The following BMPR1B variants were observed in gnomAD, a reference collection of about 807,000 sequenced individuals.
BMPR1B encodes bone morphogenetic protein receptor type-1B.
A neutral mutation model predicts 59.1 loss-of-function variants in BMPR1B; 12 were observed. The ratio of observed to expected loss-of-function variants is 0.20; its 90% CI spans 0.13 to 0.33. BMPR1B has a LOEUF of 0.33. Among genes scored for constraint, BMPR1B ranks in the 10% least tolerant of loss-of-function variants. The pLI is 1.00. For missense variants in BMPR1B, 550 were observed against 610.9 expected (o/e 0.90, Z 1.05); for synonymous variants, 237 against 207.3 (o/e 1.14, Z -1.23).
intron 6 of BMPR1B, among the ~76,000 whole-genome samples, chr4:95,117,668 T>C (rs185025148): frequency 6.6e-5 from 10 of 152,158 alleles, no homozygotes; most frequent in Non-Finnish European, 1.3e-4. Flanking sequence ...CATCTGTAGT[T>C]GCAGCTACTA....
At chr4:94,839,970 C>T (rs1291073200) in intron 1 of BMPR1B, among the ~76,000 whole-genome samples, 5 of 150,966 alleles carry the variant, frequency 3.3e-5, no homozygotes, top group African/African-American at 1.2e-4. Context: ...TGACAAAAAT[C>T]TCTCAGCATT....
At chr4:94,882,742 C>T (rs1727023954) in intron 2 of BMPR1B, among the ~76,000 whole-genome samples, 1 of 152,130 alleles carries the variant, frequency 6.6e-6, no homozygotes. Context: ...TTCAGATCTC[C>T]TTCTGCACCA....
rs1732972221 is a variant in BMPR1B, at chr4:95,127,217, ACAAT to A, written c.585+2102_585+2105del. 2.0e-5 allele frequency among the ~76,000 whole-genome samples: 3 copies of A among 152,196 alleles called. No individual in the cohort carries two copies. In the South Asian group the frequency reaches 6.2e-4, roughly 31 times the overall value. On this transcript the variant is annotated intron_variant, in intron 8 of 12. Transcript: ENST00000515059. ...TGTATCTTACAGGCATTTTATTTAT[ACAAT>A]CAATCTAAAAAGTTGGTATCTAAGA... is the stretch of plus-strand genomic sequence containing the variant.
chr4:94,899,356 TTCAGGCCAC>T (rs35992455), intron 2 of BMPR1B, among the ~76,000 whole-genome samples: 33,310 of 151,492 alleles, frequency 0.22, 4,098 homozygotes, highest in African/African-American at 0.33. Context: ...ACTACAACTT[TTCAGGCCAC>T]TACAAAGATG....
chr4:94,964,517 A>G (rs1052832525), intron 2 of BMPR1B, among the ~76,000 whole-genome samples: 1 of 152,164 alleles, frequency 6.6e-6, no homozygotes. Context: ...ATAACTCAAC[A>G]ATGTTGATTA....
intron 8 of BMPR1B, among the ~76,000 whole-genome samples, chr4:95,128,143 C>G (rs1393941540): frequency 6.6e-6 from 1 of 152,126 alleles, no homozygotes; most frequent in African/African-American, 2.4e-5. Context: ...TCCACAGCCT[C>G]CCAAAGTGCT....
At chr4:95,108,337 T>A (rs1450152981) in intron 4 of BMPR1B, among the ~76,000 whole-genome samples, 1 of 152,128 alleles carries the variant, frequency 6.6e-6, no homozygotes, top group African/African-American at 2.4e-5. Flanking sequence ...TTCTAATGTG[T>A]ACCTTAGAAA....
At chr4:94,993,350 C>A (rs1213909730) in intron 2 of BMPR1B, among the ~76,000 whole-genome samples, 1 of 152,140 alleles carries the variant, frequency 6.6e-6, no homozygotes, top group Non-Finnish European at 1.5e-5. Flanking sequence ...CTTTCTCTTA[C>A]CTTACAAGAG....
chr4:94,840,049 G>A (rs1724993166), intron 1 of BMPR1B, among the ~76,000 whole-genome samples: 1 of 151,794 alleles, frequency 6.6e-6, no homozygotes, highest in Non-Finnish European at 1.5e-5. Context: ...ATGAAATTCT[G>A]TGTTGAACAT....
chr4:94,920,235 G>A (rs1728638413), intron 2 of BMPR1B, among the ~76,000 whole-genome samples: 1 of 151,988 alleles, frequency 6.6e-6, no homozygotes, highest in African/African-American at 2.4e-5. Context: ...CCATATGCAA[G>A]GAAATCTCTC....
chr4:94,786,989 G>A (rs954512592), intron 1 of BMPR1B, among the ~76,000 whole-genome samples: 3 of 152,080 alleles, frequency 2.0e-5, no homozygotes, highest in Non-Finnish European at 4.4e-5. Context: ...GCATCTGGCC[G>A]TAAACGTAAC....
At chr4:94,946,278 A>G (rs991651095) in intron 2 of BMPR1B, among the ~76,000 whole-genome samples, 2 of 152,178 alleles carry the variant, frequency 1.3e-5, no homozygotes, top group African/African-American at 2.4e-5. Context: ...AACATTCAAG[A>G]ATATAAAGTA....
At chr4:94,969,139 A>G (rs2149074654) in intron 2 of BMPR1B, among the ~76,000 whole-genome samples, 1 of 151,902 alleles carries the variant, frequency 6.6e-6, no homozygotes, top group Middle Eastern at 3.4e-3. Context: ...GGTTCAAGCG[A>G]TTCTTCTGCC....
chr4:94,962,086 TC>T, intron 2 of BMPR1B, among the ~76,000 whole-genome samples: 1 of 131,014 alleles, frequency 7.6e-6, no homozygotes, highest in African/African-American at 3.6e-5. Flanking sequence ...CTTCCTTCCT[TC>T]CTTCCTTCCT....
intron 2 of BMPR1B, among the ~76,000 whole-genome samples, chr4:94,931,976 G>T (rs150751453): frequency 8.5e-5 from 13 of 152,234 alleles, no homozygotes; most frequent in African/African-American, 3.1e-4. Flanking sequence ...GGAAAAGGTT[G>T]ATGTTCTTTC....
At chr4:95,005,189 A>G (rs1355354902) in intron 3 of BMPR1B, among the ~76,000 whole-genome samples, 5 of 152,218 alleles carry the variant, frequency 3.3e-5, no homozygotes, top group African/African-American at 1.2e-4. Context: ...TTGTGCTAAC[A>G]TGATTTCATT....
At chr4:95,049,419 GTTTTTTTTTTTT>G (rs761496965) in intron 3 of BMPR1B, among the ~76,000 whole-genome samples, 85 of 77,402 alleles carry the variant, frequency 1.1e-3, no homozygotes, top group African/African-American at 3.6e-3. Flanking sequence ...CAGCATAAAA[GTTTTTTTTTTTT>G]TTTTTTTTTT....
At chr4:95,092,642 G>T (rs1730075496) in intron 3 of BMPR1B, among the ~76,000 whole-genome samples, 1 of 151,984 alleles carries the variant, frequency 6.6e-6, no homozygotes, top group African/African-American at 2.4e-5. Flanking sequence ...AATAGCTAAG[G>T]TTACCTTTAA....
intron 1 of BMPR1B, among the ~76,000 whole-genome samples, chr4:94,776,894 T>A (rs1722390949): frequency 6.6e-6 from 1 of 152,202 alleles, no homozygotes; most frequent in Non-Finnish European, 1.5e-5. Context: ...TTGATATATT[T>A]CCTTTATCCT....
Sources: allele counts gnomAD v4.1 joint callset (sites outside exome capture counted in the v4.1 genomes callset), GRCh38; gene constraint gnomAD v4.1.1; transcripts MANE v1.5; gene names NCBI Gene and HGNC (gene_info 2026-07-23, HGNC 2026-07-21).